The following IQGAP2 variants were observed in gnomAD, a reference collection of about 807,000 sequenced individuals.
IQGAP2 encodes ras GTPase-activating-like protein IQGAP2.
A neutral mutation model predicts 201.3 loss-of-function variants in IQGAP2; 173 were observed. That is an observed-to-expected ratio of 0.86 (90% CI 0.76 to 0.98). The LOEUF is 0.98. Ranked by LOEUF, IQGAP2 falls within the 50% of genes least tolerant of loss-of-function variation. The pLI is 0.00. For synonymous variants in IQGAP2, 675 were observed against 673.9 expected (o/e 1.00, Z -0.03); for missense variants, 1,687 against 1,864.8 (o/e 0.90, Z 1.76).
chr5:76,538,657 T>C (rs1006114463), intron 2 of IQGAP2, among the ~76,000 whole-genome samples: 6 of 152,234 alleles, frequency 3.9e-5, no homozygotes, highest in Non-Finnish European at 8.8e-5. Context: ...TTTAACTTTC[T>C]CTAGGCACTG....
chr5:76,467,844 A>G (rs989643700), intron 2 of IQGAP2, among the ~76,000 whole-genome samples: 4 of 152,196 alleles, frequency 2.6e-5, no homozygotes, highest in African/African-American at 9.7e-5. Flanking sequence ...AACCTTAAAA[A>G]CATGTTGAGT....
chr5:76,445,018 G>C (rs1437943056), intron 1 of IQGAP2, among the ~76,000 whole-genome samples: 2 of 152,218 alleles, frequency 1.3e-5, no homozygotes, highest in Non-Finnish European at 2.9e-5. Context: ...TGGTTAAAGA[G>C]GCTAAATTTG....
At chr5:76,586,507 A>G (rs749405461) in intron 5 of IQGAP2, among the ~76,000 whole-genome samples, 29 of 152,240 alleles carry the variant, frequency 1.9e-4, no homozygotes, top group Non-Finnish European at 3.8e-4. Flanking sequence ...GTATGAAAAA[A>G]TATTTACCCT....
At position 76,590,589 on chromosome 5, in the gene IQGAP2, G is replaced by A. The variant is rs200263807; in HGVS notation, c.819+3G>A. On this transcript the variant is annotated splice_donor_region_variant and intron_variant, in intron 8 of 35. Coordinates refer to ENST00000274364, the MANE Select transcript of IQGAP2 (RefSeq NM_006633.5). The stretch of plus-strand genomic sequence containing the variant: ...AAGAGGAAAATGCAAGACTGAAGGT[G>A]CTTAGATTCTGAGTAATAAAAACAG... The A allele has an allele frequency of 1.3e-6, 2 of 1,597,760 alleles. No individual in the cohort carries two copies. The highest frequency in any genetic ancestry group is 2.2e-5 in the East Asian group (1 of 44,714).
intron 28 of IQGAP2, among the ~76,000 whole-genome samples, chr5:76,677,756 C>G (rs1445802294): frequency 6.6e-6 from 1 of 151,970 alleles, no homozygotes; most frequent in Non-Finnish European, 1.5e-5. Flanking sequence ...AGTGAGACCC[C>G]TATCTCTACT....
chr5:76,508,655 C>T (rs1418454840), intron 2 of IQGAP2, among the ~76,000 whole-genome samples: 2 of 150,936 alleles, frequency 1.3e-5, no homozygotes, highest in East Asian at 1.9e-4. Flanking sequence ...CCAGCCTGGG[C>T]AACATAGTGA....
intron 15 of IQGAP2, among the ~76,000 whole-genome samples, chr5:76,633,725 A>G (rs1389967321): frequency 6.6e-6 from 1 of 152,142 alleles, no homozygotes; most frequent in Non-Finnish European, 1.5e-5. Flanking sequence ...CCAGGCAACT[A>G]CTAATCTACT....
At chr5:76,445,465 CTTTTTT>C (rs33993084) in intron 1 of IQGAP2, among the ~76,000 whole-genome samples, 4 of 140,062 alleles carry the variant, frequency 2.9e-5, no homozygotes, top group Non-Finnish European at 4.7e-5. Flanking sequence ...CCGTTTTAAC[CTTTTTT>C]TTTTTTTTTT....
At chr5:76,585,258 A>C (rs1296196517) in intron 5 of IQGAP2, among the ~76,000 whole-genome samples, 1 of 152,174 alleles carries the variant, frequency 6.6e-6, no homozygotes, top group African/African-American at 2.4e-5. Flanking sequence ...ATATATATTA[A>C]AGATGCAGCA....
chr5:76,671,718 C>A (rs767687505), intron 23 of IQGAP2, 41 bp from the exon 24 acceptor site: 50 of 1,336,676 alleles, frequency 3.7e-5, no homozygotes, highest in Non-Finnish European at 3.8e-5. Flanking sequence ...AATCTGTATC[C>A]ATGGAAGCAA....
chr5:76,549,222 G>A (rs1330024343), intron 2 of IQGAP2, among the ~76,000 whole-genome samples: 2 of 151,942 alleles, frequency 1.3e-5, no homozygotes, highest in South Asian at 2.1e-4. Context: ...ATCCCATTTT[G>A]TAGATTAGGA....
intron 23 of IQGAP2, among the ~76,000 whole-genome samples, chr5:76,671,382 A>G (rs1162667528): frequency 6.6e-6 from 1 of 152,144 alleles, no homozygotes; most frequent in Admixed American, 6.5e-5. Flanking sequence ...GGGAGAATAC[A>G]TTGTTTAAAA....
At chr5:76,614,546 G>A (rs1456696880) in intron 13 of IQGAP2, among the ~76,000 whole-genome samples, 1 of 146,276 alleles carries the variant, frequency 6.8e-6, no homozygotes, top group Non-Finnish European at 1.5e-5. Context: ...CTTTTTTCTT[G>A]GAAAAATCCT....
intron 33 of IQGAP2, chr5:76,699,616 TC>T (rs1380706894): frequency 4.8e-4 from 31 of 64,598 alleles, no homozygotes; most frequent in Middle Eastern, 6.5e-3. Context: ...TCTCTCTCTC[TC>T]TCTCTCTCTC....
At chr5:76,653,022 G>T (rs1012058643) in intron 18 of IQGAP2, among the ~76,000 whole-genome samples, 189 bp downstream of exon 18, 1 of 152,082 alleles carries the variant, frequency 6.6e-6, no homozygotes, top group Non-Finnish European at 1.5e-5. Flanking sequence ...TGGTTAAACC[G>T]GTATAAAACC....
rs1276359334 is a variant in IQGAP2 at position 76,441,413 on chromosome 5, A to G, written c.47-20157A>G. 3 of 748,072 alleles carry G rather than the reference A, an allele frequency of 4.0e-6. No individual in the cohort carries two copies. In the African/African-American group the frequency reaches 5.7e-5, roughly 14 times the overall value. 46.3% of individuals were successfully genotyped at this position (748,072 alleles called of 1,614,324 possible). On this transcript the variant is annotated intron_variant, in intron 1 of 35. Transcript: ENST00000274364. ...GGAAGGAATCAGGAATTAACTACCT[A>G]AAGTACCTACTTTTGAAGAGGTTGT...
chr5:76,404,164 A>C (rs1750667443), intron 1 of IQGAP2, among the ~76,000 whole-genome samples: 1 of 151,898 alleles, frequency 6.6e-6, no homozygotes, highest in African/African-American at 2.4e-5. Context: ...CTCCCCTCTG[A>C]AACCCCCCAA....
intron 3 of IQGAP2, 83 bp downstream of exon 3, chr5:76,562,635 G>C: frequency 7.9e-7 from 1 of 1,271,336 alleles, no homozygotes; most frequent in Non-Finnish European, 1.1e-6. Context: ...TTTACTCTTA[G>C]TGTTTCTGTA....
intron 5 of IQGAP2, among the ~76,000 whole-genome samples, chr5:76,580,958 C>T (rs536004960): frequency 3.2e-4 from 49 of 152,364 alleles, no homozygotes; most frequent in African/African-American, 1.0e-3. Context: ...GATTCTTCTA[C>T]ATGGGCAGCC....
Sources: allele counts gnomAD v4.1 joint callset (sites outside exome capture counted in the v4.1 genomes callset), GRCh38; gene constraint gnomAD v4.1.1; transcripts MANE v1.5; gene names NCBI Gene and HGNC (gene_info 2026-07-23, HGNC 2026-07-21).